DNAH14: variants seen among roughly 807,000 people sequenced by gnomAD.
The protein encoded by DNAH14 is dynein axonemal heavy chain 14.
Under a neutral mutation model 520.9 loss-of-function variants are expected in DNAH14, and 478 were observed. The observed-to-expected ratio is 0.92, with a 90% CI of 0.85 to 0.99. The LOEUF is 0.99. Among genes scored for constraint, DNAH14 ranks in the 50% least tolerant of loss-of-function variants. DNAH14 has a pLI of 0.00. For synonymous variants in DNAH14, 1,581 were observed against 1,757.2 expected, an observed-to-expected ratio of 0.90 and a Z score of 2.51; for missense variants, 4,831 against 5,234.5, an observed-to-expected ratio of 0.92 and a Z score of 2.38.
intron 78 of DNAH14, among the ~76,000 whole-genome samples, chr1:225,375,903 A>G (rs1284032427): frequency 6.6e-6 from 1 of 152,052 alleles, no homozygotes; most frequent in Non-Finnish European, 1.5e-5. Context: ...CCTGGCCAAC[A>G]TGATGAAACC....
intron 63 of DNAH14, 40 bp from the exon 64 acceptor site, chr1:225,324,697 G>T: frequency 6.7e-7 from 1 of 1,487,822 alleles, no homozygotes; most frequent in South Asian, 1.3e-5. Flanking sequence ...CAGTAAACCC[G>T]ACGTTTTTGA....
chr1:225,117,216 A>G (rs1366805878), intron 23 of DNAH14, among the ~76,000 whole-genome samples: 1 of 152,178 alleles, frequency 6.6e-6, no homozygotes, highest in Admixed American at 6.6e-5. Flanking sequence ...TTCTCTATAC[A>G]GTGAATGTAA....
At chr1:225,396,099 T>C (rs1270522489) in intron 84 of DNAH14, 2 of 152,204 alleles carry the variant, frequency 1.3e-5, no homozygotes, top group Admixed American at 1.3e-4. Flanking sequence ...TTGATGATGA[T>C]GGTGGCGTGT....
intron 69 of DNAH14, among the ~76,000 whole-genome samples, chr1:225,341,683 A>G (rs1244618210): frequency 6.6e-6 from 1 of 152,232 alleles, no homozygotes; most frequent in Non-Finnish European, 1.5e-5. Context: ...AAACAAAAAA[A>G]GCTTTTAATT....
chr1:225,070,664 G>T (rs1312896896), intron 17 of DNAH14, among the ~76,000 whole-genome samples: 4 of 152,178 alleles, frequency 2.6e-5, no homozygotes, highest in Non-Finnish European at 5.9e-5. Flanking sequence ...ATGCGGTGAT[G>T]AAAAGAAGTA....
intron 8 of DNAH14, among the ~76,000 whole-genome samples, chr1:224,999,367 C>T (rs1022796256): frequency 7.2e-5 from 11 of 151,842 alleles, no homozygotes; most frequent in East Asian, 1.9e-4. Flanking sequence ...CCACCATGCC[C>T]GGCTAATTTT....
intron 27 of DNAH14, among the ~76,000 whole-genome samples, chr1:225,139,566 C>T (rs921949014): frequency 3.9e-5 from 6 of 152,036 alleles, no homozygotes; most frequent in Admixed American, 1.3e-4. Context: ...ATTAGATGTC[C>T]GCATGCATTG....
chr1:225,265,225 A>G lies in DNAH14; in HGVS notation c.7266A>G (p.Leu2422=), dbSNP rs1320734309. 1 of 1,508,214 alleles carries G rather than the reference A, an allele frequency of 6.6e-7. No individual in the cohort carries two copies. Among genetic ancestry groups the G allele is most frequent in the Admixed American group, 2.5e-5 (1 of 39,558 alleles). The allele number at this position is 1,508,214 out of a possible 1,614,324, so 93.4% of individuals were successfully genotyped here. The change falls in exon 48 of 86, where the codon TTA becomes TTG. Residue 2422 remains leucine, a synonymous_variant. Transcript: ENST00000682510. ...CAGAAGTTAGAACTAATAAAAAGTT[A>G]CTTAAAAATAATGATCATAAAGGAG... ...KKPEVRTNKK[L]LKNNDHKGVV...
rs572746361 is a variant in DNAH14 at position 225,031,885 on chromosome 1, GT to G, written c.1359-6808del. On this transcript the variant is annotated intron_variant, in intron 11 of 85. Transcript: ENST00000682510. ...TTTCCTTTTGCTTGTTTCTGTTTGT[GT>G]GGGGTCATTTTCCTTCTTCCTGAAA... Among the ~76,000 whole-genome samples, 18 of 152,002 alleles carry G rather than the reference GT, an allele frequency of 1.2e-4. No homozygotes were observed. The South Asian group carries it at 3.7e-3, about 32-fold the overall frequency.
At chr1:225,165,931 T>A (rs12758819) in intron 35 of DNAH14, among the ~76,000 whole-genome samples, 18,807 of 152,120 alleles carry the variant, frequency 0.12, 1,299 homozygotes, top group East Asian at 0.31. Flanking sequence ...GTTTTTTTCC[T>A]TGTTGCTCTG....
At chr1:225,132,481 G>C (rs2078528168) in intron 27 of DNAH14, among the ~76,000 whole-genome samples, 1 of 151,760 alleles carries the variant, frequency 6.6e-6, no homozygotes, top group African/African-American at 2.4e-5. Flanking sequence ...TTGGTTTTCT[G>C]TTCCTGCATT....
At chr1:225,072,821 G>A (rs998776521) in intron 17 of DNAH14, among the ~76,000 whole-genome samples, 2 of 152,134 alleles carry the variant, frequency 1.3e-5, no homozygotes, top group Non-Finnish European at 2.9e-5. Flanking sequence ...AGTATTTGGA[G>A]TTATCGTCAG....
At chr1:224,987,030 C>A (rs1308642146) in intron 8 of DNAH14, among the ~76,000 whole-genome samples, 1 of 151,970 alleles carries the variant, frequency 6.6e-6, no homozygotes, top group Non-Finnish European at 1.5e-5. Flanking sequence ...TTTCTATATG[C>A]CAACAGCAAA....
chr1:225,302,375 A>G (rs963046660), intron 56 of DNAH14, among the ~76,000 whole-genome samples: 2 of 151,914 alleles, frequency 1.3e-5, no homozygotes, highest in African/African-American at 4.8e-5. Flanking sequence ...AAAAAAAAGG[A>G]AAAAAAATCT....
chr1:225,333,410 GT>G lies in DNAH14; in HGVS notation c.9986del (p.Leu3329Ter). On this transcript the variant is annotated frameshift_variant, in exon 66 of 86. Transcript: ENST00000682510. LOFTEE classifies it high-confidence loss of function. ...GAATTTTAACACCAGAATTTCGCCA[GT>G]TGATTGTGAATAAATGGGAGACATT... ...SGILTPEFRQ[L>X]IVNKWETFCI... 6.4e-7 allele frequency: 1 copy of G among 1,551,600 alleles called. No homozygotes were observed. Among genetic ancestry groups the G allele is most frequent in the Non-Finnish European group, 8.7e-7 (1 of 1,146,902 alleles).
intron 8 of DNAH14, among the ~76,000 whole-genome samples, chr1:224,995,256 G>A (rs1330128599): frequency 6.6e-6 from 1 of 151,958 alleles, no homozygotes; most frequent in African/African-American, 2.4e-5. Context: ...GCATTTATTT[G>A]TCTGGGAAAG....
chr1:225,159,573 C>T, intron 35 of DNAH14, 88 bp downstream of exon 35: 3 of 1,270,268 alleles, frequency 2.4e-6, no homozygotes, highest in Non-Finnish European at 3.2e-6. Context: ...TATTACAGTT[C>T]TTCCTAAATT....
intron 43 of DNAH14, among the ~76,000 whole-genome samples, chr1:225,243,540 T>G (rs2092095575): frequency 1.3e-5 from 2 of 152,112 alleles, no homozygotes; most frequent in Admixed American, 6.6e-5. Context: ...CAGATTTGAA[T>G]GTAAGTGTTT....
chr1:224,941,184 T>C (rs1195239572), intron 1 of DNAH14, among the ~76,000 whole-genome samples: 1 of 152,268 alleles, frequency 6.6e-6, no homozygotes, highest in Admixed American at 6.5e-5. Flanking sequence ...GCACCTGTTG[T>C]TTCCTGACTT....
Sources: allele counts gnomAD v4.1 joint callset (sites outside exome capture counted in the v4.1 genomes callset), GRCh38; gene constraint gnomAD v4.1.1; transcripts MANE v1.5; gene names NCBI Gene and HGNC (gene_info 2026-07-23, HGNC 2026-07-21).